The following NCOA6 variants were observed in gnomAD, a reference collection of about 807,000 sequenced individuals.
NCOA6 encodes NRC RAP250.
NCOA6 carries 49 observed loss-of-function variants against 171.4 expected under a neutral mutation model. That is an observed-to-expected ratio of 0.29 (90% CI 0.23 to 0.36). NCOA6 has a LOEUF of 0.36. Among genes scored for constraint, NCOA6 ranks in the 10% least tolerant of loss-of-function variants. NCOA6 has a pLI of 1.00. For synonymous variants in NCOA6, 910 were observed against 927.5 expected (o/e 0.98, Z 0.34); for missense variants, 2,248 against 2,554.5 (o/e 0.88, Z 2.59).
chr20:34,741,603 G>C lies in NCOA6; in HGVS notation c.4653C>G (p.His1551Gln), dbSNP rs569133981. Residue 1551 changes from histidine to glutamine, a missense_variant, in exon 11 of 15, where the codon CAC (histidine) becomes CAG (glutamine). By Grantham distance (24) the His-to-Gln change is conservative (BLOSUM62 0). Transcript: ENST00000359003. ...CAAGGGATGAACACAGCTCATTACTGTGAGGTAAGTTTAGGGAATTAGAAG... is the reference window on the plus strand; with the variant it reads ...CAAGGGATGAACACAGCTCATTACTCTGAGGTAAGTTTAGGGAATTAGAAG... ...KEPSNSLNLP[H>Q]SNELCSSLVH... 2 of 1,614,182 alleles carry C rather than the reference G, an allele frequency of 1.2e-6. No homozygotes were observed. Among genetic ancestry groups the C allele is most frequent in the Non-Finnish European group, 1.7e-6 (2 of 1,180,036 alleles).
intron 3 of NCOA6, among the ~76,000 whole-genome samples, chr20:34,778,588 C>T (rs192690957): frequency 1.3e-4 from 20 of 151,772 alleles, no homozygotes; most frequent in Non-Finnish European, 1.5e-4. Flanking sequence ...CCACCATGCC[C>T]GGCTAATTTT....
intron 7 of NCOA6, among the ~76,000 whole-genome samples, chr20:34,755,542 C>T (rs1355319851): frequency 6.6e-6 from 1 of 152,118 alleles, no homozygotes; most frequent in Non-Finnish European, 1.5e-5. Context: ...GAATCTTTCT[C>T]AAGTATCAGT....
At chr20:34,816,139 C>A (rs996210712) in intron 1 of NCOA6, among the ~76,000 whole-genome samples, 3 of 152,166 alleles carry the variant, frequency 2.0e-5, no homozygotes, top group African/African-American at 7.2e-5. Flanking sequence ...GTCCATCATT[C>A]CTTTGGTTAC....
intron 1 of NCOA6, among the ~76,000 whole-genome samples, chr20:34,802,703 CAACT>C (rs1362033345): frequency 1.3e-5 from 2 of 152,092 alleles, no homozygotes; most frequent in Non-Finnish European, 2.9e-5. Flanking sequence ...CTGTTCGAAA[CAACT>C]AAGCAAAATA....
chr20:34,715,827 T>C (rs1342924848), intron 14 of NCOA6, among the ~76,000 whole-genome samples: 1 of 152,212 alleles, frequency 6.6e-6, no homozygotes, highest in Non-Finnish European at 1.5e-5. Context: ...TGTTTCACAG[T>C]AAGGAACCAT....
intron 1 of NCOA6, among the ~76,000 whole-genome samples, chr20:34,822,530 T>C (rs1171829189): frequency 2.0e-5 from 3 of 152,218 alleles, no homozygotes; most frequent in African/African-American, 4.8e-5. Context: ...CATCTCCGTG[T>C]CCTTATAGCG....
chr20:34,822,484 C>T (rs745398734), intron 1 of NCOA6, among the ~76,000 whole-genome samples: 1 of 152,206 alleles, frequency 6.6e-6, no homozygotes, highest in Non-Finnish European at 1.5e-5. Context: ...GTCACCCCTT[C>T]GCAACACCTT....
intron 1 of NCOA6, chr20:34,819,790 T>C (rs1372962153): frequency 6.6e-6 from 1 of 152,200 alleles, no homozygotes; most frequent in Non-Finnish European, 1.5e-5. Context: ...TTATGTATAT[T>C]GACTCATTTA....
chr20:34,814,126 C>T (rs988446556), intron 1 of NCOA6, among the ~76,000 whole-genome samples: 1 of 152,024 alleles, frequency 6.6e-6, no homozygotes, highest in East Asian at 1.9e-4. Context: ...GTCAGGAGTT[C>T]GAGACCAGCC....
At chr20:34,779,908 A>G (rs189047348) in intron 3 of NCOA6, among the ~76,000 whole-genome samples, 12 of 152,372 alleles carry the variant, frequency 7.9e-5, no homozygotes, top group African/African-American at 2.6e-4. Flanking sequence ...AAGATTAGAC[A>G]ATATTTAGTC....
chr20:34,749,291 G>C, intron 9 of NCOA6, 112 bp downstream of exon 9: 5 of 1,242,832 alleles, frequency 4.0e-6, no homozygotes, highest in Non-Finnish European at 5.6e-6. Flanking sequence ...ATTGAAGCAG[G>C]GGGATTTCAT....
intron 1 of NCOA6, among the ~76,000 whole-genome samples, chr20:34,812,667 C>T (rs1336826569): frequency 6.6e-6 from 1 of 151,930 alleles, no homozygotes; most frequent in African/African-American, 2.4e-5. Flanking sequence ...AATCTGTGCC[C>T]AAATTGCAAC....
rs1568901713 is a variant in NCOA6, at chr20:34,817,123, AC to A, written c.-164+8348del. ...GGGCAACAGAGTGAGACTCCATCAC[AC>A]ACACACACAAAAAAGCAAAAGCAAA... On this transcript the variant is annotated intron_variant, in intron 1 of 14. Coordinates refer to ENST00000359003, the MANE Select transcript of NCOA6 (RefSeq NM_014071.5). 3.7e-3 allele frequency among the ~76,000 whole-genome samples: 494 copies of A among 131,808 alleles called. 82 individuals are homozygous for A. Among genetic ancestry groups the A allele is most frequent in the Middle Eastern group, 0.012 (3 of 250 alleles). The allele number at this position is 131,808 out of a possible 152,430, so 86.5% of individuals were successfully genotyped here.
At chr20:34,815,128 C>T (rs1172179187) in intron 1 of NCOA6, among the ~76,000 whole-genome samples, 1 of 151,956 alleles carries the variant, frequency 6.6e-6, no homozygotes, top group African/African-American at 2.4e-5. Context: ...GCCTGTAATC[C>T]CAGCATTTTG....
intron 1 of NCOA6, chr20:34,809,653 C>T: frequency 2.6e-6 from 1 of 388,932 alleles, no homozygotes; most frequent in Non-Finnish European, 4.5e-6. Context: ...ACCACTGTTT[C>T]TGCTAATTTT....
At chr20:34,761,088 G>C (rs997268585) in intron 5 of NCOA6, among the ~76,000 whole-genome samples, 2 of 152,106 alleles carry the variant, frequency 1.3e-5, no homozygotes, top group African/African-American at 2.4e-5. Context: ...TGGGCGTGGT[G>C]GTGGGCGCCT....
At chr20:34,773,182 TGTTGA>T (rs1184901353) in intron 4 of NCOA6, among the ~76,000 whole-genome samples, 1 of 152,178 alleles carries the variant, frequency 6.6e-6, no homozygotes, top group Non-Finnish European at 1.5e-5. Flanking sequence ...ACTGAGTACT[TGTTGA>T]GTTGAGATCT....
chr20:34,785,511 T>C (rs1002614226), intron 2 of NCOA6, among the ~76,000 whole-genome samples: 3 of 151,886 alleles, frequency 2.0e-5, no homozygotes, highest in Non-Finnish European at 4.4e-5. Flanking sequence ...CCTTATTTGA[T>C]TGCCATCTGC....
Position 34,715,186 on chromosome 20 carries a change from T to G in NCOA6, c.*136A>C. The G allele has an allele frequency of 8.9e-7, 1 of 1,127,802 alleles. No homozygotes were observed. The allele number at this position is 1,127,802 out of a possible 1,614,324, so 69.9% of individuals were successfully genotyped here. On this transcript the variant is annotated 3_prime_UTR_variant, in exon 15 of 15. Coordinates refer to ENST00000359003, the MANE Select transcript of NCOA6 (RefSeq NM_014071.5). ...TCCCCATTGCACTTTATGAAACAGG[T>G]TGCAGGGACTAGGAAAAGGGCCACA...
Sources: gnomAD v4.1 joint callset for allele counts (sites outside exome capture counted in the v4.1 genomes callset) on GRCh38, gnomAD v4.1.1 for gene constraint, MANE v1.5 for transcripts, NCBI Gene and HGNC (gene_info 2026-07-23, HGNC 2026-07-21) for gene names.